The following ROBO1 variants were observed in gnomAD, a reference collection of about 807,000 sequenced individuals.
ROBO1 encodes the protein roundabout homolog 1.
In ROBO1, 149 loss-of-function variants were observed where a neutral mutation model predicts 195.9. That is an observed-to-expected ratio of 0.76 (90% CI 0.67 to 0.87). ROBO1 has a LOEUF of 0.87. Among genes scored for constraint, ROBO1 ranks in the 40% least tolerant of loss-of-function variants. The probability of loss-of-function intolerance (pLI) is 0.00; values close to 1 mark genes in which losing one functional copy is unlikely to be tolerated. For synonymous variants in ROBO1, 816 were observed against 733.2 expected (o/e 1.11, Z -1.82); for missense variants, 1,933 against 2,068.3 (o/e 0.93, Z 1.27).
Position 78,617,977 on chromosome 3 carries a change from T to A in ROBO1, c.3940A>T (p.Ile1314Phe), listed in dbSNP as rs536120924. ...ATATCTGAGACCAGGGGTCCTGAAA[T>A]GTAGCCATAGGTATGTGGAGGGGAG... ...PISPPHTYGY[I>F]SGPLVSDMDT... The change falls in exon 27 of 31, where the codon ATT (isoleucine) becomes TTT (phenylalanine). Residue 1314 changes from isoleucine to phenylalanine, a missense_variant. Coordinates refer to ENST00000464233, the MANE Select transcript of ROBO1 (RefSeq NM_002941.4). 35 of 1,613,970 alleles carry A rather than the reference T, an allele frequency of 2.2e-5. No individual in the cohort carries two copies. In the East Asian group the frequency reaches 7.6e-4, roughly 35 times the overall value.
At chr3:78,895,630 T>C (rs1205987731) in intron 4 of ROBO1, among the ~76,000 whole-genome samples, 1 of 152,188 alleles carries the variant, frequency 6.6e-6, no homozygotes, top group Non-Finnish European at 1.5e-5. Context: ...AACATTTTCC[T>C]TGGAAGAAAA....
chr3:79,092,081 T>C (rs2079488887), intron 3 of ROBO1, among the ~76,000 whole-genome samples: 2 of 152,146 alleles, frequency 1.3e-5, no homozygotes, highest in African/African-American at 4.8e-5. Flanking sequence ...TGCAATCACC[T>C]ACATGAGAGA....
At chr3:79,474,192 CA>C (rs1938430112) in intron 2 of ROBO1, among the ~76,000 whole-genome samples, 1 of 152,068 alleles carries the variant, frequency 6.6e-6, no homozygotes, top group African/African-American at 2.4e-5. Context: ...GTAGTAAAGA[CA>C]ATTCCTCAAG....
At chr3:78,884,974 T>C (rs1257494514) in intron 4 of ROBO1, among the ~76,000 whole-genome samples, 1 of 151,928 alleles carries the variant, frequency 6.6e-6, no homozygotes, top group East Asian at 1.9e-4. Context: ...CCCTCCCTTA[T>C]ACCACTCTAA....
At chr3:79,674,389 C>A (rs1308542439) in intron 1 of ROBO1, among the ~76,000 whole-genome samples, 1 of 151,734 alleles carries the variant, frequency 6.6e-6, no homozygotes, top group African/African-American at 2.4e-5. Flanking sequence ...TTCATACTAT[C>A]TTTTAAAGAC....
chr3:79,242,437 T>C (rs1230026725), intron 2 of ROBO1, among the ~76,000 whole-genome samples: 1 of 152,096 alleles, frequency 6.6e-6, no homozygotes, highest in Admixed American at 6.6e-5. Context: ...TATGAAGCCA[T>C]AGGGGCACAA....
intron 2 of ROBO1, among the ~76,000 whole-genome samples, chr3:79,169,285 T>C (rs1160918179): frequency 2.6e-5 from 4 of 152,216 alleles, no homozygotes; most frequent in Non-Finnish European, 2.9e-5. Context: ...AAACAGTTAA[T>C]GCAGATTCCA....
At chr3:79,429,897 GAT>G (rs1296303370) in intron 2 of ROBO1, among the ~76,000 whole-genome samples, 1 of 151,770 alleles carries the variant, frequency 6.6e-6, no homozygotes, top group Non-Finnish European at 1.5e-5. Flanking sequence ...TTAAATATAA[GAT>G]ATGTCTGATT....
intron 2 of ROBO1, among the ~76,000 whole-genome samples, chr3:79,394,120 A>G (rs1020749343): frequency 6.6e-6 from 1 of 152,076 alleles, no homozygotes; most frequent in African/African-American, 2.4e-5. Flanking sequence ...CTGCTTTGGT[A>G]TAGAATCCAG....
chr3:79,458,608 C>A (rs2039695199), intron 2 of ROBO1, among the ~76,000 whole-genome samples: 1 of 151,234 alleles, frequency 6.6e-6, no homozygotes, highest in Non-Finnish European at 1.5e-5. Context: ...GAGAAAAAAG[C>A]AAAAATACGA....
intron 2 of ROBO1, among the ~76,000 whole-genome samples, chr3:79,226,388 T>C (rs1036231804): frequency 6.6e-6 from 1 of 152,102 alleles, no homozygotes; most frequent in African/African-American, 2.4e-5. Context: ...CCTCTGCAAC[T>C]CCTCTTAACG....
intron 2 of ROBO1, among the ~76,000 whole-genome samples, chr3:79,494,504 C>A (rs1939626840): frequency 6.6e-6 from 1 of 151,850 alleles, no homozygotes; most frequent in African/African-American, 2.4e-5. Flanking sequence ...ACTTGGAAGA[C>A]AAAGGATGAA....
chr3:78,885,504 A>G, intron 4 of ROBO1, among the ~76,000 whole-genome samples: 1 of 151,702 alleles, frequency 6.6e-6, no homozygotes, highest in Admixed American at 6.6e-5. Context: ...TTTGCCAAAT[A>G]AGAAATTTCC....
chr3:78,598,436 T>G lies in ROBO1; in HGVS notation c.*477A>C, dbSNP rs1223696155. The G allele has an allele frequency of 6.5e-6, 1 of 152,848 alleles. No homozygotes were observed. The highest frequency in any genetic ancestry group is 1.9e-4 in the East Asian group (1 of 5,208). The allele number at this position is 152,848 out of a possible 1,614,324, so 9.5% of individuals were successfully genotyped here. On this transcript the variant is annotated 3_prime_UTR_variant, in exon 31 of 31. Transcript: ENST00000464233. Reference sequence around the variant, plus strand: ...AACTGATTTTGAAATCATGTTAAAATGAAATATGTTTTAATTTGCATTAGC... The same window carrying G: ...AACTGATTTTGAAATCATGTTAAAAGGAAATATGTTTTAATTTGCATTAGC...
At chr3:79,298,362 T>G (rs2032709833) in intron 2 of ROBO1, among the ~76,000 whole-genome samples, 1 of 152,124 alleles carries the variant, frequency 6.6e-6, no homozygotes, top group Non-Finnish European at 1.5e-5. Context: ...AAAAATGGTC[T>G]GTAACCCTGG....
At chr3:79,464,097 A>G (rs1212009897) in intron 2 of ROBO1, among the ~76,000 whole-genome samples, 1 of 152,196 alleles carries the variant, frequency 6.6e-6, no homozygotes, top group Admixed American at 6.5e-5. Context: ...TCCATGTTGT[A>G]GCATGCATCA....
chr3:78,935,416 C>T (rs6772919), intron 4 of ROBO1, among the ~76,000 whole-genome samples: 66,214 of 151,740 alleles, frequency 0.44, 16,524 homozygotes, highest in African/African-American at 0.7. Context: ...AGGTTCAAAT[C>T]AACTTTCTTT....
chr3:78,712,178 T>C (rs1008934076), intron 8 of ROBO1, among the ~76,000 whole-genome samples: 11 of 152,286 alleles, frequency 7.2e-5, no homozygotes, highest in Non-Finnish European at 1.3e-4. Context: ...CTGGGCTTTA[T>C]TGCCTTAACA....
chr3:79,459,586 C>T (rs1020648095), intron 2 of ROBO1, among the ~76,000 whole-genome samples: 1 of 151,828 alleles, frequency 6.6e-6, no homozygotes, highest in Admixed American at 6.6e-5. Context: ...AAAATGTTAC[C>T]ATTTAAAAGT....
Sources: gnomAD v4.1 joint callset for allele counts (sites outside exome capture counted in the v4.1 genomes callset) on GRCh38, gnomAD v4.1.1 for gene constraint, MANE v1.5 for transcripts, NCBI Gene and HGNC (gene_info 2026-07-23, HGNC 2026-07-21) for gene names.